The following ZBTB7C variants were observed in gnomAD, a reference collection of about 807,000 sequenced individuals.
ZBTB7C encodes the protein zinc finger and BTB domain-containing protein 7C.
ZBTB7C carries 8 observed loss-of-function variants against 25.7 expected under a neutral mutation model. That is an observed-to-expected ratio of 0.31 (90% CI 0.18 to 0.56). The LOEUF (loss-of-function observed/expected upper bound fraction) is 0.56, where lower values mean the gene tolerates loss of function less well. Among genes scored for constraint, ZBTB7C ranks in the 20% least tolerant of loss-of-function variants. The probability of loss-of-function intolerance (pLI) is 0.91; values close to 1 mark genes in which losing one functional copy is unlikely to be tolerated. For missense variants in ZBTB7C, 824 were observed against 855.2 expected (o/e 0.96, Z 0.46); for synonymous variants, 394 against 369.0 (o/e 1.07, Z -0.78).
chr18:48,304,698 T>C (rs1193434069), intron 2 of ZBTB7C, among the ~76,000 whole-genome samples: 1 of 151,322 alleles, frequency 6.6e-6, no homozygotes, highest in Non-Finnish European at 1.5e-5. Context: ...AAACTTAGCT[T>C]GCCATGGTGG....
chr18:48,165,888 G>A (rs968075398), intron 3 of ZBTB7C, among the ~76,000 whole-genome samples: 4 of 152,174 alleles, frequency 2.6e-5, no homozygotes, highest in South Asian at 4.1e-4. Context: ...CCTGCATGCC[G>A]AGCTAGTAGG....
chr18:48,404,796 A>C (rs964145563), intron 1 of ZBTB7C, among the ~76,000 whole-genome samples: 1 of 152,202 alleles, frequency 6.6e-6, no homozygotes, highest in African/African-American at 2.4e-5. Flanking sequence ...ACCCATGCCC[A>C]GCCCGCAGCA....
intron 2 of ZBTB7C, among the ~76,000 whole-genome samples, chr18:48,277,176 C>A (rs961663278): frequency 1.4e-5 from 2 of 142,982 alleles, no homozygotes; most frequent in Non-Finnish European, 3.0e-5. Flanking sequence ...AGCTTCTGCA[C>A]AGCAAAAGAA....
chr18:48,185,370 G>A, intron 3 of ZBTB7C: 1 of 429,334 alleles, frequency 2.3e-6, no homozygotes, highest in Non-Finnish European at 4.6e-6. Context: ...TTCTCTTCCT[G>A]AACTGGACTG....
intron 3 of ZBTB7C, among the ~76,000 whole-genome samples, chr18:48,095,560 A>G (rs1032511877): frequency 6.6e-6 from 1 of 151,886 alleles, no homozygotes; most frequent in African/African-American, 2.4e-5. Context: ...AAAAATACAA[A>G]AATTAGCCAG....
At chr18:48,229,101 G>A (rs1031001229) in intron 2 of ZBTB7C, among the ~76,000 whole-genome samples, 8 of 152,012 alleles carry the variant, frequency 5.3e-5, no homozygotes, top group East Asian at 1.9e-4. Flanking sequence ...TGTTCGTCCC[G>A]CTCAAATCTC....
intron 3 of ZBTB7C, among the ~76,000 whole-genome samples, chr18:48,114,867 A>G (rs1180614193): frequency 6.6e-6 from 1 of 152,234 alleles, no homozygotes; most frequent in Non-Finnish European, 1.5e-5. Flanking sequence ...AAGTTCAAAT[A>G]CTGTCAAAAT....
At chr18:48,251,857 G>A (rs923585674) in intron 2 of ZBTB7C, among the ~76,000 whole-genome samples, 1 of 152,100 alleles carries the variant, frequency 6.6e-6, no homozygotes, top group African/African-American at 2.4e-5. Context: ...ACCCATTCAG[G>A]TGTCCCTCTC....
chr18:48,408,521 C>T (rs956906263), intron 1 of ZBTB7C: 11 of 152,272 alleles, frequency 7.2e-5, no homozygotes, highest in Admixed American at 6.5e-4. Flanking sequence ...TTGACAGCAG[C>T]AAGGATCTTT....
intron 2 of ZBTB7C, among the ~76,000 whole-genome samples, chr18:48,245,842 GTAT>G (rs1438334214): frequency 1.3e-5 from 2 of 152,158 alleles, no homozygotes; most frequent in African/African-American, 4.8e-5. Context: ...ATTGCCTGAT[GTAT>G]TTGAAAGGAT....
chr18:48,226,995 G>A (rs2043114758), intron 2 of ZBTB7C, among the ~76,000 whole-genome samples: 1 of 145,826 alleles, frequency 6.9e-6, no homozygotes, highest in Non-Finnish European at 1.5e-5. Context: ...ACTCCAGCCT[G>A]GGCAATAGAG....
chr18:48,049,628 TATTA>T (rs1489625195), intron 3 of ZBTB7C, among the ~76,000 whole-genome samples: 1 of 152,180 alleles, frequency 6.6e-6, no homozygotes, highest in Non-Finnish European at 1.5e-5. Context: ...AAGGTGCTTA[TATTA>T]ATTCATTTCA....
intron 3 of ZBTB7C, chr18:48,076,793 G>T: frequency 3.5e-6 from 1 of 281,964 alleles, no homozygotes; most frequent in Non-Finnish European, 5.3e-6. Flanking sequence ...TTGGAGCCAG[G>T]GGTCCCAAAA....
chr18:48,149,191 C>G (rs888379256), intron 3 of ZBTB7C: 2 of 139,796 alleles, frequency 1.4e-5, no homozygotes, highest in South Asian at 4.8e-4. Flanking sequence ...TGTGTGCGCA[C>G]GTGTGTGTGC....
intron 3 of ZBTB7C, among the ~76,000 whole-genome samples, chr18:48,062,274 TA>T (rs1346601637): frequency 2.0e-5 from 3 of 152,196 alleles, no homozygotes; most frequent in Non-Finnish European, 4.4e-5. Context: ...GGAACACCTT[TA>T]AGGGGCTTGA....
intron 2 of ZBTB7C, among the ~76,000 whole-genome samples, chr18:48,295,932 C>T (rs1040285854): frequency 5.3e-5 from 8 of 152,300 alleles, no homozygotes; most frequent in Admixed American, 2.6e-4. Context: ...AATCCTAGGA[C>T]GGAGTTTTGC....
intron 3 of ZBTB7C, among the ~76,000 whole-genome samples, chr18:48,156,528 T>C (rs1025299484): frequency 4.6e-5 from 7 of 152,230 alleles, no homozygotes; most frequent in African/African-American, 7.2e-5. Context: ...CATTTCATTT[T>C]CTTGGCTGTG....
At chr18:48,192,337 G>A (rs1237476128) in intron 2 of ZBTB7C, among the ~76,000 whole-genome samples, 1 of 152,182 alleles carries the variant, frequency 6.6e-6, no homozygotes, top group Non-Finnish European at 1.5e-5. Flanking sequence ...GAGTACAGAG[G>A]ATTTTTAAGG....
At position 48,284,807 on chromosome 18, in the gene ZBTB7C, AAAAAC is replaced by A. The variant is rs1360820169; in HGVS notation, c.-79+53362_-79+53366del. ...CTCGGTCTCCAAAAAAAAAAAAAAA[AAAAAC>A]AGAGAGAGAGAGAGAGAAGAAAGAA... On this transcript the variant is annotated intron_variant, in intron 2 of 4. Transcript: ENST00000590800. Among the ~76,000 whole-genome samples, 3 of 146,030 alleles carry A rather than the reference AAAAAC, an allele frequency of 2.1e-5. No individual in the cohort carries two copies. In the South Asian group the frequency reaches 6.4e-4, roughly 31 times the overall value.
Sources: allele counts gnomAD v4.1 joint callset (sites outside exome capture counted in the v4.1 genomes callset), GRCh38; gene constraint gnomAD v4.1.1; transcripts MANE v1.5; gene names NCBI Gene and HGNC (gene_info 2026-07-23, HGNC 2026-07-21).